CPD: variants seen among roughly 807,000 people sequenced by gnomAD.
CPD encodes the protein carboxypeptidase D.
Under a neutral mutation model 138.3 loss-of-function variants are expected in CPD, and 69 were observed. The observed-to-expected ratio is 0.50, with a 90% CI of 0.41 to 0.61. The LOEUF (loss-of-function observed/expected upper bound fraction) is 0.61. CPD is among the 20% of genes least tolerant of loss of function. The pLI is 0.00. For missense variants in CPD, 1,432 were observed against 1,733.3 expected (o/e 0.83, Z 3.09); for synonymous variants, 651 against 642.1 (o/e 1.01, Z -0.21).
intron 19 of CPD, 57 bp from the exon 20 acceptor site, chr17:30,462,313 G>A: frequency 1.5e-6 from 2 of 1,373,042 alleles, no homozygotes; most frequent in South Asian, 1.2e-5. Context: ...TAATATAGCA[G>A]GGATACAGTA....
intron 7 of CPD, among the ~76,000 whole-genome samples, 171 bp downstream of exon 7, chr17:30,427,729 T>TGG (rs1912457637): frequency 2.0e-5 from 3 of 152,304 alleles, no homozygotes; most frequent in Admixed American, 2.0e-4. Context: ...GCCAGTGTCC[T>TGG]GGCTGTTTCT....
intron 6 of CPD, 68 bp from the exon 7 acceptor site, chr17:30,427,323 G>C: frequency 7.0e-7 from 1 of 1,419,026 alleles, no homozygotes; most frequent in Non-Finnish European, 9.9e-7. Flanking sequence ...GGTATCTAAA[G>C]TAGTACGTGT....
chr17:30,438,384 T>C (rs987647302), intron 8 of CPD, among the ~76,000 whole-genome samples: 2 of 152,136 alleles, frequency 1.3e-5, no homozygotes, highest in Non-Finnish European at 2.9e-5. Flanking sequence ...TTACCCTTCA[T>C]TGAGTTATCA....
chr17:30,456,902 C>T (rs967347654), intron 17 of CPD: 18 of 181,370 alleles, frequency 9.9e-5, no homozygotes, highest in Non-Finnish European at 1.8e-4. Flanking sequence ...CCATTGAGTA[C>T]AAGAATAGGT....
intron 20 of CPD, among the ~76,000 whole-genome samples, chr17:30,462,724 T>C (rs985347276): frequency 4.6e-5 from 7 of 152,070 alleles, no homozygotes; most frequent in Non-Finnish European, 1.5e-5. Context: ...CACAGAAATA[T>C]AGAGGTGTCA....
chr17:30,398,123 G>A lies in CPD; in HGVS notation c.994+12887G>A, dbSNP rs148120408. Among the ~76,000 whole-genome samples the A allele has an allele frequency of 2.6e-3, 393 of 151,828 alleles. 3 individuals carry two copies. Among genetic ancestry groups the A allele is most frequent in the African/African-American group, 9.1e-3 (378 of 41,400 alleles). On this transcript the variant is annotated intron_variant, in intron 2 of 20. Transcript: ENST00000225719. ...ATACCAACTTAAAAATTTGTGAAGC[G>A]TCGCATATTTTTTCAGTTATTTTAG...
chr17:30,407,536 T>C (rs559641475), intron 2 of CPD, among the ~76,000 whole-genome samples: 2 of 152,188 alleles, frequency 1.3e-5, no homozygotes, highest in Non-Finnish European at 2.9e-5. Flanking sequence ...TATCTCATTG[T>C]GGTTTTGATT....
chr17:30,423,134 G>GA (rs1912312442), intron 5 of CPD, 111 bp downstream of exon 5: 1 of 771,920 alleles, frequency 1.3e-6, no homozygotes, highest in Non-Finnish European at 2.0e-6. Context: ...CTGGCATTAA[G>GA]AAAACCTAAC....
At chr17:30,417,501 CAATT>C (rs1912141918) in intron 2 of CPD, among the ~76,000 whole-genome samples, 1 of 152,138 alleles carries the variant, frequency 6.6e-6, no homozygotes, top group Admixed American at 6.5e-5. Flanking sequence ...CCTTTCTGCT[CAATT>C]ACTCTTACAG....
intron 2 of CPD, among the ~76,000 whole-genome samples, chr17:30,409,843 T>C (rs1048141177): frequency 2.0e-5 from 3 of 152,248 alleles, no homozygotes; most frequent in African/African-American, 7.2e-5. Context: ...TGGTTTTTTA[T>C]GTCTCTATCT....
At chr17:30,408,724 T>C (rs1448146756) in intron 2 of CPD, among the ~76,000 whole-genome samples, 6 of 152,168 alleles carry the variant, frequency 3.9e-5, no homozygotes, top group African/African-American at 1.2e-4. Context: ...CCATGGAGTT[T>C]TCTAAATATA....
intron 2 of CPD, among the ~76,000 whole-genome samples, chr17:30,420,092 G>C (rs1912225965): frequency 6.6e-6 from 1 of 152,212 alleles, no homozygotes; most frequent in Non-Finnish European, 1.5e-5. Flanking sequence ...TGACAAGAAT[G>C]ATAGGGTAAT....
chr17:30,447,679 C>G (rs1913066089), intron 12 of CPD: 1 of 151,756 alleles, frequency 6.6e-6, no homozygotes, highest in South Asian at 2.1e-4. Context: ...TGTCCTAATT[C>G]TAGTCTCTAT....
rs1913267820 is a variant in CPD, at chr17:30,455,427, T to C, written c.3294T>C (p.Gly1098=). ...DFSLSVALDG[G]SMLVTYPYDK... The stretch of plus-strand genomic sequence containing the variant: ...GTCTTTCTGTTGCCTTAGATGGTGG[T>C]TCCATGCTGGTCACATATCCTTATG... Residue 1098 remains glycine, a synonymous_variant, in exon 15 of 21, where the codon GGT becomes GGC. Transcript: ENST00000225719. 1 of 1,613,750 alleles carries C rather than the reference T, an allele frequency of 6.2e-7. No homozygotes were observed.
At position 30,379,123 on chromosome 17, in the gene CPD, C is replaced by T; in HGVS notation, c.143C>T (p.Ala48Val). 1.9e-6 allele frequency: 3 copies of T among 1,538,634 alleles called. No homozygotes were observed. The highest frequency in any genetic ancestry group is 2.6e-6 in the Non-Finnish European group (3 of 1,146,452). Residue 48 changes from alanine (A) to valine (V), a missense_variant, in exon 1 of 21, where the codon GCC (alanine) becomes GTC (valine). Transcript: ENST00000225719. This position sits in a 1 kb window ranked among gnomAD's most constrained non-coding sequence, Gnocchi z 7.0. ...EATTTTTSAGAEAAEGQFDRY... is the reference protein window; with the variant it reads ...EATTTTTSAGVEAAEGQFDRY... ...ACTACCACAACTACGAGCGCGGGCG[C>T]CGAGGCGGCCGAGGGCCAGTTCGAC... is the stretch of plus-strand genomic sequence containing the variant.
At position 30,462,461 on chromosome 17, in the gene CPD, C is replaced by G; in HGVS notation, c.3908C>G (p.Thr1303Ser). The G allele has an allele frequency of 1.2e-6, 2 of 1,612,492 alleles. No individual in the cohort carries two copies. The highest frequency in any genetic ancestry group is 1.7e-6 in the Non-Finnish European group (2 of 1,178,736). ...IFGLPRELVV[T>S]VSGATMSALI... Reference sequence around the variant, plus strand: ...GGTTTGCCAAGGGAGCTTGTGGTAACTGTATCAGGTAAAGACATTTTGATT... The same window carrying G: ...GGTTTGCCAAGGGAGCTTGTGGTAAGTGTATCAGGTAAAGACATTTTGATT... Residue 1303 changes from threonine (T) to serine (S), a missense_variant, in exon 20 of 21, where the codon ACT (threonine) becomes AGT (serine). Thr to Ser is a moderately conservative substitution (Grantham distance 58). Transcript: ENST00000225719.
chr17:30,415,462 G>GA (rs952085324), intron 2 of CPD, among the ~76,000 whole-genome samples: 7 of 151,786 alleles, frequency 4.6e-5, no homozygotes, highest in African/African-American at 9.7e-5. Flanking sequence ...CTACAGAAAG[G>GA]AAAAAAATAT....
chr17:30,388,317 C>A (rs1380357164), intron 2 of CPD, among the ~76,000 whole-genome samples: 1 of 152,168 alleles, frequency 6.6e-6, no homozygotes, highest in Non-Finnish European at 1.5e-5. Context: ...TCACCAGGGA[C>A]CCCCTCCCTT....
chr17:30,420,209 A>G (rs1912228958), intron 2 of CPD, among the ~76,000 whole-genome samples: 2 of 152,204 alleles, frequency 1.3e-5, no homozygotes, highest in Non-Finnish European at 2.9e-5. Context: ...CGTTTAACAC[A>G]TTTTGAAAGA....
Sources: gnomAD v4.1 joint callset for allele counts (sites outside exome capture counted in the v4.1 genomes callset) on GRCh38, gnomAD v4.1.1 for gene constraint, Gnocchi (gnomAD v3.1) non-coding constraint, MANE v1.5 for transcripts, NCBI Gene and HGNC (gene_info 2026-07-23, HGNC 2026-07-21) for gene names.